ZSCAN20: variants seen among roughly 807,000 people sequenced by gnomAD.
ZSCAN20 encodes the protein zinc finger and SCAN domain-containing protein 20.
A neutral mutation model predicts 97.1 loss-of-function variants in ZSCAN20; 39 were observed. That is an observed-to-expected ratio of 0.40 (90% CI 0.31 to 0.52). ZSCAN20 has a LOEUF of 0.52. Among genes scored for constraint, ZSCAN20 ranks in the 20% least tolerant of loss-of-function variants. The pLI is 0.49. For missense variants in ZSCAN20, 1,115 were observed against 1,290.4 expected, an observed-to-expected ratio of 0.86 and a Z score of 2.08; for synonymous variants, 456 against 467.3, an observed-to-expected ratio of 0.98 and a Z score of 0.31.
intron 2 of ZSCAN20, among the ~76,000 whole-genome samples, chr1:33,485,159 T>C (rs1050694457): frequency 1.3e-5 from 2 of 152,238 alleles, no homozygotes; most frequent in East Asian, 3.8e-4. Flanking sequence ...TGAAGGTTAT[T>C]AATTATTCAG....
chr1:33,489,607 GGA>G lies in ZSCAN20; in HGVS notation c.766+8_766+9del. 6.2e-7 allele frequency: 1 copy of G among 1,613,870 alleles called. No individual in the cohort carries two copies. Among genetic ancestry groups the G allele is most frequent in the Non-Finnish European group, 8.5e-7 (1 of 1,179,798 alleles). On this transcript the variant is annotated splice_donor_region_variant and intron_variant, in intron 5 of 7. Coordinates refer to ENST00000684572, the MANE Select transcript of ZSCAN20 (RefSeq NM_001377376.1). ...GTGGGAACAGCGTGTGCCTGGGTAA[GGA>G]GACGTACCCTCTGAAGGTGATGTTG...
intron 2 of ZSCAN20, among the ~76,000 whole-genome samples, chr1:33,484,135 C>T (rs1426029562): frequency 6.6e-6 from 1 of 152,184 alleles, no homozygotes. Context: ...CATAGACAAT[C>T]GTGTCATTTG....
chr1:33,498,885 C>A lies in ZSCAN20; in HGVS notation c.*3409C>A, dbSNP rs1652964327. On this transcript the variant is annotated 3_prime_UTR_variant, in exon 8 of 8. Transcript: ENST00000684572. ...TCCTCAGACCCCCAGAGGCAGCAGACCCAAAGGTAGGGGCAGGGAAAGGAG... is the reference window on the plus strand; with the variant it reads ...TCCTCAGACCCCCAGAGGCAGCAGAACCAAAGGTAGGGGCAGGGAAAGGAG... Among the ~76,000 whole-genome samples, 1 of 152,178 alleles carries A rather than the reference C, an allele frequency of 6.6e-6. No homozygotes were observed. The highest frequency in any genetic ancestry group is 1.5e-5 in the Non-Finnish European group (1 of 68,036).
rs2148480436 is a variant in ZSCAN20 at position 33,494,826 on chromosome 1, G to T, written c.2482G>T (p.Gly828Trp). The stretch of plus-strand genomic sequence containing the variant: ...AAATCCTGACCAGTGTAGTGAGCCT[G>T]GGGGAAACTTTGCCCAAAGCCCATC... The part of the protein sequence containing the change: ...GGNPDQCSEP[G>W]GNFAQSPSFS... Residue 828 changes from glycine (G) to tryptophan (W), a missense_variant, in exon 8 of 8, where the codon GGG (glycine) becomes TGG (tryptophan). Transcript: ENST00000684572. 2 of 1,614,176 alleles carry T rather than the reference G, an allele frequency of 1.2e-6. No individual in the cohort carries two copies. Among genetic ancestry groups the T allele is most frequent in the South Asian group, 2.2e-5 (2 of 91,080 alleles).
chr1:33,493,702 A>G lies in ZSCAN20; in HGVS notation c.1873+87A>G, dbSNP rs1652721220. The G allele has an allele frequency of 7.4e-7, 1 of 1,352,128 alleles. No individual in the cohort carries two copies. The highest frequency in any genetic ancestry group is 1.0e-6 in the Non-Finnish European group (1 of 1,000,238). 83.8% of individuals were successfully genotyped at this position (1,352,128 alleles called of 1,614,324 possible). The stretch of plus-strand genomic sequence containing the variant: ...CAGGCTCATTATCTTTTGTCTCTTA[A>G]CTAAAAGAGAGAATGGGATTGAATG... On this transcript the variant is annotated intron_variant, in intron 7 of 7. Transcript: ENST00000684572. The surrounding 1 kb of genome is among the most constrained non-coding windows in gnomAD (Gnocchi z 4.3).
intron 1 of ZSCAN20, 115 bp from the exon 2 acceptor site, chr1:33,479,064 G>T (rs1011032945): frequency 4.4e-6 from 2 of 450,728 alleles, no homozygotes; most frequent in Admixed American, 3.9e-5. Context: ...TGGGAAAGGG[G>T]CATCTCTTAG....
rs149185868 is a variant in ZSCAN20, at chr1:33,494,174, C to T, written c.1874-44C>T. ...ACACACACAAACACACACACACGCG[C>T]GCTAATGAGTGAAGAAAAACTGCAT... is the stretch of plus-strand genomic sequence containing the variant. On this transcript the variant is annotated intron_variant, in intron 7 of 7. Transcript: ENST00000684572. The T allele has an allele frequency of 2.0e-3, 2,967 of 1,514,202 alleles. 13 individuals are homozygous for T. Among genetic ancestry groups the T allele is most frequent in the African/African-American group, 0.011 (798 of 71,732 alleles). 93.8% of individuals were successfully genotyped at this position (1,514,202 alleles called of 1,614,324 possible).
Position 33,477,882 on chromosome 1 carries a change from C to G in ZSCAN20, c.-110-1297C>G, listed in dbSNP as rs535222742. 2.6e-5 allele frequency among the ~76,000 whole-genome samples: 4 copies of G among 151,640 alleles called. No individual in the cohort carries two copies. In the East Asian group the frequency reaches 7.8e-4, roughly 29 times the overall value. On this transcript the variant is annotated intron_variant, in intron 1 of 7. Transcript: ENST00000684572. ...GTAAGATGCTATGGGAGCTTGTGGT[C>G]GAGGACTGAATCTTGTTTCAGGGTG...
intron 2 of ZSCAN20, among the ~76,000 whole-genome samples, chr1:33,482,741 T>G (rs1339008524): frequency 6.6e-6 from 1 of 152,234 alleles, no homozygotes; most frequent in Non-Finnish European, 1.5e-5. Context: ...ATTTGGTGTT[T>G]TGGATTTTGG....
chr1:33,485,432 C>T (rs1002622069), intron 2 of ZSCAN20, among the ~76,000 whole-genome samples: 8 of 151,882 alleles, frequency 5.3e-5, no homozygotes, highest in Non-Finnish European at 7.4e-5. Context: ...ATTTTTGAGA[C>T]GGGTTCTTTC....
chr1:33,493,489 G>A lies in ZSCAN20; in HGVS notation c.1747G>A (p.Glu583Lys), dbSNP rs1167881472. The change falls in exon 7 of 8, where the codon GAG becomes AAG. Residue 583 changes from glutamate (E) to lysine (K), a missense_variant. Glu to Lys is a moderately conservative substitution (Grantham distance 56). Transcript: ENST00000684572. This position sits in a 1 kb window ranked among gnomAD's most constrained non-coding sequence, Gnocchi z 4.3. ...AGTCAGGGCCATGGGGACTGTCCGA[G>A]AGGCTGCAGGTCTCCCTAGGTGTGG... is the stretch of plus-strand genomic sequence containing the variant. ...AAVRAMGTVR[E>K]AAGLPRCGQS... 2 of 1,614,224 alleles carry A rather than the reference G, an allele frequency of 1.2e-6. No individual in the cohort carries two copies. The highest frequency in any genetic ancestry group is 2.2e-5 in the South Asian group (2 of 91,082).
rs1652860398 is a variant in ZSCAN20, at chr1:33,496,286, T to C, written c.*810T>C. ...GGTAACTTAGGGGCCAGAATCTCCA[T>C]GCACTTTGTAGACCACATTTCCTGT... On this transcript the variant is annotated 3_prime_UTR_variant, in exon 8 of 8. Transcript: ENST00000684572. 1 of 152,230 alleles carries C rather than the reference T, an allele frequency of 6.6e-6. No individual in the cohort carries two copies. The highest frequency in any genetic ancestry group is 6.5e-5 in the Admixed American group (1 of 15,292). The allele number at this position is 152,230 out of a possible 1,614,324, so 9.4% of individuals were successfully genotyped here.
rs1253511125 is a variant in ZSCAN20 at position 33,499,611 on chromosome 1, C to T, written c.*4135C>T. 6.6e-6 allele frequency among the ~76,000 whole-genome samples: 1 copy of T among 152,114 alleles called. No individual in the cohort carries two copies. The highest frequency in any genetic ancestry group is 1.9e-4 in the East Asian group (1 of 5,180). On this transcript the variant is annotated 3_prime_UTR_variant, in exon 8 of 8. Transcript: ENST00000684572. ...CCTGCACGTGCCTGGAGAGACCTGCCCATTGGACTCATCTTGGACTCAGTT... is the reference window on the plus strand; with the variant it reads ...CCTGCACGTGCCTGGAGAGACCTGCTCATTGGACTCATCTTGGACTCAGTT...
chr1:33,487,033 C>T (rs1252524630), intron 2 of ZSCAN20, among the ~76,000 whole-genome samples: 1 of 152,162 alleles, frequency 6.6e-6, no homozygotes, highest in Non-Finnish European at 1.5e-5. Context: ...AGACTCAGAG[C>T]AGTATATCTA....
At position 33,493,635 on chromosome 1, in the gene ZSCAN20, A is replaced by G. The variant is rs757233706; in HGVS notation, c.1873+20A>G. On this transcript the variant is annotated intron_variant, in intron 7 of 7. Coordinates refer to ENST00000684572, the MANE Select transcript of ZSCAN20 (RefSeq NM_001377376.1). The surrounding 1 kb of genome is among the most constrained non-coding windows in gnomAD (Gnocchi z 4.3). ...ACATGGGTAAGCCTGGAGTAATTGG[A>G]TGTTCTCAAAATCTGTGGGCATGTG... The G allele has an allele frequency of 2.6e-6, 4 of 1,526,834 alleles. No individual in the cohort carries two copies. The South Asian group carries it at 5.2e-5, about 20-fold the overall frequency. 94.6% of individuals were successfully genotyped at this position (1,526,834 alleles called of 1,614,324 possible).
chr1:33,484,929 A>G (rs1283635416), intron 2 of ZSCAN20, among the ~76,000 whole-genome samples: 1 of 152,046 alleles, frequency 6.6e-6, no homozygotes, highest in Non-Finnish European at 1.5e-5. Flanking sequence ...TGATTTTTGC[A>G]TCTTTGTTCA....
Position 33,479,389 on chromosome 1 carries a change from C to T in ZSCAN20, c.101C>T (p.Ser34Phe). ...GAAGAGGACTCTTGGGGATCAGAATCCAAACTCTGGGAGAAGGACCGTGGC... is the reference window on the plus strand; with the variant it reads ...GAAGAGGACTCTTGGGGATCAGAATTCAAACTCTGGGAGAAGGACCGTGGC... ...KLEEDSWGSE[S>F]KLWEKDRGSV... The change falls in exon 2 of 8, where the codon TCC (serine) becomes TTC (phenylalanine). Residue 34 changes from serine to phenylalanine, a missense_variant. By Grantham distance (155) the Ser-to-Phe change is radical. Coordinates refer to ENST00000684572, the MANE Select transcript of ZSCAN20 (RefSeq NM_001377376.1). 1 of 1,614,260 alleles carries T rather than the reference C, an allele frequency of 6.2e-7. No individual in the cohort carries two copies. Among genetic ancestry groups the T allele is most frequent in the South Asian group, 1.1e-5 (1 of 91,084 alleles).
intron 2 of ZSCAN20, 148 bp downstream of exon 2, chr1:33,479,853 G>A: frequency 1.2e-6 from 1 of 863,532 alleles, no homozygotes; most frequent in South Asian, 2.6e-5. Context: ...ACCAGGAAGT[G>A]TTCTAAGTGC....
rs1407859763 is a variant in ZSCAN20 at position 33,497,688 on chromosome 1, G to T, written c.*2212G>T. 1.3e-5 allele frequency among the ~76,000 whole-genome samples: 2 copies of T among 152,058 alleles called. No homozygotes were observed. The highest frequency in any genetic ancestry group is 2.9e-5 in the Non-Finnish European group (2 of 67,928). On this transcript the variant is annotated 3_prime_UTR_variant, in exon 8 of 8. Transcript: ENST00000684572. Reference sequence around the variant, plus strand: ...TGTGGTATTTCAGCTAAAGGCTAGGGTCTGAACTAGAGCAGTGGTGACACT... The same window carrying T: ...TGTGGTATTTCAGCTAAAGGCTAGGTTCTGAACTAGAGCAGTGGTGACACT...
Sources: gnomAD v4.1 joint callset for allele counts (sites outside exome capture counted in the v4.1 genomes callset) on GRCh38, gnomAD v4.1.1 for gene constraint, Gnocchi (gnomAD v3.1) non-coding constraint, MANE v1.5 for transcripts, NCBI Gene and HGNC (gene_info 2026-07-23, HGNC 2026-07-21) for gene names.